Variants in PELI1 observed in about 807,000 individuals in gnomAD.
PELI1 encodes E3 ubiquitin-protein ligase pellino homolog 1.
PELI1 carries 15 observed loss-of-function variants against 41.3 expected under a neutral mutation model. The ratio of observed to expected loss-of-function variants is 0.36; its 90% CI spans 0.24 to 0.56. The LOEUF (loss-of-function observed/expected upper bound fraction) is 0.56, where lower values mean the gene tolerates loss of function less well. Ranked by LOEUF, PELI1 falls within the 20% of genes least tolerant of loss-of-function variation. The pLI is 0.82. For missense variants in PELI1, 403 were observed against 525.5 expected, an observed-to-expected ratio of 0.77 and a Z score of 2.28; for synonymous variants, 178 against 180.1, an observed-to-expected ratio of 0.99 and a Z score of 0.09.
intron 4 of PELI1, among the ~76,000 whole-genome samples, chr2:64,097,779 C>T (rs1680293771): frequency 6.6e-6 from 1 of 152,196 alleles, no homozygotes; most frequent in African/African-American, 2.4e-5. Flanking sequence ...CATATCGGCA[C>T]ACTTTCAGAT....
rs559902046 is a variant in PELI1, at chr2:64,098,450, T to C, written c.304-1840A>G. Among the ~76,000 whole-genome samples the C allele has an allele frequency of 7.9e-5, 12 of 152,212 alleles. No homozygotes were observed. The South Asian group carries it at 8.3e-4, about 11-fold the overall frequency. On this transcript the variant is annotated intron_variant, in intron 4 of 6. Transcript: ENST00000358912. ...TATTCGTCAATCTTTCACCACACTG[T>C]GTACTACTTCTTTGCTTCTTTGCCA...
chr2:64,134,304 A>C (rs1247354826), intron 1 of PELI1, among the ~76,000 whole-genome samples: 7 of 152,188 alleles, frequency 4.6e-5, no homozygotes, highest in Admixed American at 1.3e-4. Context: ...TTTGTTGAAT[A>C]AATGTCAGTG....
At chr2:64,111,768 T>G (rs1680813700) in intron 1 of PELI1, among the ~76,000 whole-genome samples, 1 of 152,190 alleles carries the variant, frequency 6.6e-6, no homozygotes, top group African/African-American at 2.4e-5. Context: ...CTGATATACA[T>G]GAAATCATAC....
At chr2:64,144,008 C>G (rs1414616611) in intron 1 of PELI1, 73 bp downstream of exon 1, 1 of 151,492 alleles carries the variant, frequency 6.6e-6, no homozygotes, top group Non-Finnish European at 1.5e-5. Context: ...GAGGAAGTTG[C>G]GCGCCCGCCC....
At position 64,093,487 on chromosome 2, in the gene PELI1, G is replaced by T. The variant is rs1279590304; in HGVS notation, c.*1215C>A. On this transcript the variant is annotated 3_prime_UTR_variant, in exon 7 of 7. Transcript: ENST00000358912. ...AGAGAAGAAACTTTTCTTGCTTCTG[G>T]AAGCAAAAGACATATTGGAATTAGA... 6.6e-6 allele frequency: 1 copy of T among 152,626 alleles called. No homozygotes were observed. Among genetic ancestry groups the T allele is most frequent in the Admixed American group, 6.5e-5 (1 of 15,282 alleles). 9.5% of individuals were successfully genotyped at this position (152,626 alleles called of 1,614,324 possible).
intron 1 of PELI1, among the ~76,000 whole-genome samples, chr2:64,127,791 C>G (rs1257150807): frequency 1.3e-5 from 2 of 152,126 alleles, no homozygotes; most frequent in Non-Finnish European, 2.9e-5. Flanking sequence ...TCTCAGCTGA[C>G]CCCTGAAAGT....
chr2:64,101,679 G>A (rs999850529), intron 3 of PELI1, among the ~76,000 whole-genome samples: 7 of 152,186 alleles, frequency 4.6e-5, no homozygotes, highest in African/African-American at 1.4e-4. Flanking sequence ...ATCTGTAATA[G>A]ATAAAGCCTT....
intron 1 of PELI1, among the ~76,000 whole-genome samples, chr2:64,114,574 T>C (rs551535025): frequency 1.3e-5 from 2 of 152,252 alleles, no homozygotes; most frequent in East Asian, 1.9e-4. Flanking sequence ...AGAAGCCAAA[T>C]AGCATGCTGA....
chr2:64,119,711 A>G (rs1215364701), intron 1 of PELI1, among the ~76,000 whole-genome samples: 2 of 152,226 alleles, frequency 1.3e-5, no homozygotes, highest in African/African-American at 4.8e-5. Flanking sequence ...CAGGCTTAAT[A>G]TCAAGTTATA....
chr2:64,136,927 C>T (rs1452871680), intron 1 of PELI1, among the ~76,000 whole-genome samples: 1 of 152,062 alleles, frequency 6.6e-6, no homozygotes, highest in African/African-American at 2.4e-5. Flanking sequence ...CAAATGAAAA[C>T]GTTGTGCTCC....
At position 64,110,631 on chromosome 2, in the gene PELI1, A is replaced by G. The variant is rs373653828; in HGVS notation, c.-69-2252T>C. On this transcript the variant is annotated intron_variant, in intron 1 of 6. Transcript: ENST00000358912. ...TGAATTTTGTCTGATGGTGAAAGTG[A>G]AAACTATAATACAGTTAGATGTAGT... Among the ~76,000 whole-genome samples, 8 of 152,334 alleles carry G rather than the reference A, an allele frequency of 5.3e-5. No homozygotes were observed. The East Asian group carries it at 1.5e-3, about 29-fold the overall frequency.
At chr2:64,140,840 A>G (rs766816775) in intron 1 of PELI1, among the ~76,000 whole-genome samples, 85 of 150,164 alleles carry the variant, frequency 5.7e-4, no homozygotes, top group Non-Finnish European at 9.9e-4. Flanking sequence ...ACTTGAAATC[A>G]TATCCAGATC....
At chr2:64,120,783 T>C (rs551484532) in intron 1 of PELI1, among the ~76,000 whole-genome samples, 7 of 152,344 alleles carry the variant, frequency 4.6e-5, no homozygotes, top group South Asian at 2.1e-4. Flanking sequence ...TACATTGTTA[T>C]CTTTTTTTAA....
intron 1 of PELI1, among the ~76,000 whole-genome samples, chr2:64,137,872 A>G (rs1681768971): frequency 6.6e-6 from 1 of 152,204 alleles, no homozygotes; most frequent in African/African-American, 2.4e-5. Flanking sequence ...ACGACAAAAA[A>G]AATTTTTTTT....
At chr2:64,112,009 T>G (rs538520308) in intron 1 of PELI1, among the ~76,000 whole-genome samples, 35 of 152,242 alleles carry the variant, frequency 2.3e-4, no homozygotes, top group African/African-American at 8.2e-4. Context: ...AAATTAAATT[T>G]TAATAACGTT....
At chr2:64,126,187 C>T (rs900247038) in intron 1 of PELI1, among the ~76,000 whole-genome samples, 3 of 151,722 alleles carry the variant, frequency 2.0e-5, no homozygotes, top group East Asian at 1.9e-4. Context: ...TTTTTTGAGA[C>T]GGAGTCTCAC....
intron 3 of PELI1, among the ~76,000 whole-genome samples, chr2:64,103,850 A>G (rs1680529197): frequency 6.6e-6 from 1 of 152,240 alleles, no homozygotes; most frequent in South Asian, 2.1e-4. Context: ...AGATACAGGT[A>G]CTTCCAGGAG....
chr2:64,102,628 G>C (rs1235506291), intron 3 of PELI1, among the ~76,000 whole-genome samples: 3 of 152,110 alleles, frequency 2.0e-5, no homozygotes, highest in Non-Finnish European at 4.4e-5. Context: ...TGGTTTTTAT[G>C]TGCTTTGAAA....
chr2:64,143,987 G>A (rs1240347103), intron 1 of PELI1, 94 bp downstream of exon 1: 2 of 151,348 alleles, frequency 1.3e-5, no homozygotes, highest in South Asian at 2.1e-4. Flanking sequence ...CTGGCCGCCG[G>A]GGAAGCCGCC....
Sources: allele counts gnomAD v4.1 joint callset (sites outside exome capture counted in the v4.1 genomes callset), GRCh38; gene constraint gnomAD v4.1.1; transcripts MANE v1.5; gene names NCBI Gene and HGNC (gene_info 2026-07-23, HGNC 2026-07-21).